The following ZNF100 variants were observed in gnomAD, a reference collection of about 807,000 sequenced individuals.
ZNF100 encodes the protein zinc finger protein 100.
A neutral mutation model predicts 15.8 loss-of-function variants in ZNF100; 12 were observed. The observed-to-expected ratio is 0.76, with a 90% CI of 0.49 to 1.23. The LOEUF (loss-of-function observed/expected upper bound fraction) is 1.23, where lower values mean the gene tolerates loss of function less well. Ranked by LOEUF, ZNF100 falls within the 50% of genes most tolerant of loss-of-function variation. The pLI is 0.00. For missense variants in ZNF100, 670 were observed against 635.6 expected (o/e 1.05, Z -0.58); for synonymous variants, 226 against 214.8 (o/e 1.05, Z -0.45).
chr19:21,729,202 A>G (rs2035869665), intron 4 of ZNF100, among the ~76,000 whole-genome samples: 1 of 152,132 alleles, frequency 6.6e-6, no homozygotes, highest in Admixed American at 6.5e-5. Context: ...GAAGTGTGTA[A>G]TAAAGTCAAA....
chr19:21,727,683 C>T lies in ZNF100; in HGVS notation c.629G>A (p.Cys210Tyr), dbSNP rs1338977666. The T allele has an allele frequency of 1.1e-5, 17 of 1,612,818 alleles. No homozygotes were observed. Among genetic ancestry groups the T allele is most frequent in the Non-Finnish European group, 1.4e-5 (16 of 1,179,622 alleles). Residue 210 changes from cysteine to tyrosine, a missense_variant, in exon 5 of 5, where the codon TGT becomes TAT. Coordinates refer to ENST00000358296, the MANE Select transcript of ZNF100 (RefSeq NM_173531.4). ...TRKKPFKCKK[C>Y]EKSFCMLLHL... ...TAAAAGCATGCAAAATGATTTTTCA[C>T]ATTTTTTACATTTGAAAGGTTTCTT...
intron 4 of ZNF100, 89 bp downstream of exon 4, chr19:21,743,928 A>G (rs1471907187): frequency 1.5e-5 from 20 of 1,320,438 alleles, no homozygotes; most frequent in Non-Finnish European, 2.0e-5. Context: ...TTTGGAACAT[A>G]GCTTCCCAAA....
Position 21,727,584 on chromosome 19 carries a change from T to C in ZNF100, c.728A>G (p.Asn243Ser), listed in dbSNP as rs1421725879. 11 of 1,613,334 alleles carry C rather than the reference T, an allele frequency of 6.8e-6. No homozygotes were observed. Among genetic ancestry groups the C allele is most frequent in the Admixed American group, 1.7e-5 (1 of 59,958 alleles). The change falls in exon 5 of 5, where the codon AAC becomes AGC. Residue 243 changes from asparagine (N) to serine (S), a missense_variant. Physicochemically the swap from Asn to Ser is conservative, Grantham distance 46. Transcript: ENST00000358296. ...GTGTGTAGTAAGGGTTGAGAACCAGTTGAAGGCTTTGCCACAATCTTTACA... is the reference window on the plus strand; with the variant it reads ...GTGTGTAGTAAGGGTTGAGAACCAGCTGAAGGCTTTGCCACAATCTTTACA... ...YQCKDCGKAFNWFSTLTTHRR... is the reference protein window; with the variant it reads ...YQCKDCGKAFSWFSTLTTHRR...
At chr19:21,734,217 G>A (rs1334452054) in intron 4 of ZNF100, among the ~76,000 whole-genome samples, 1 of 152,182 alleles carries the variant, frequency 6.6e-6, no homozygotes, top group East Asian at 1.9e-4. Flanking sequence ...GCCTGAGATG[G>A]ATAAACTGAC....
chr19:21,746,212 C>G (rs1228923453), intron 2 of ZNF100, among the ~76,000 whole-genome samples: 1 of 152,166 alleles, frequency 6.6e-6, no homozygotes, highest in Non-Finnish European at 1.5e-5. Context: ...GATATTGCCC[C>G]TCCAAAAGTA....
intron 2 of ZNF100, among the ~76,000 whole-genome samples, chr19:21,760,839 T>C (rs560207030): frequency 1.3e-5 from 2 of 148,884 alleles, no homozygotes; most frequent in Admixed American, 1.4e-4. Context: ...TCACTGGAAG[T>C]TCCACTTTGC....
At chr19:21,764,539 C>T (rs1186501101) in intron 2 of ZNF100, among the ~76,000 whole-genome samples, 2 of 151,730 alleles carry the variant, frequency 1.3e-5, no homozygotes, top group East Asian at 1.9e-4. Context: ...ACTCAGGAGG[C>T]TGAGGCAGGA....
At chr19:21,728,427 G>A (rs1355589612) in intron 4 of ZNF100, among the ~76,000 whole-genome samples, 2 of 152,094 alleles carry the variant, frequency 1.3e-5, no homozygotes, top group African/African-American at 4.8e-5. Flanking sequence ...AGAAACGGTG[G>A]TATACTTTGG....
intron 4 of ZNF100, among the ~76,000 whole-genome samples, chr19:21,740,418 A>C (rs143151644): frequency 1.3e-5 from 2 of 152,322 alleles, no homozygotes; most frequent in Admixed American, 1.3e-4. Flanking sequence ...ACAACATTAA[A>C]TGCATGAGCA....
At chr19:21,735,022 G>A (rs2035983255) in intron 4 of ZNF100, among the ~76,000 whole-genome samples, 1 of 152,092 alleles carries the variant, frequency 6.6e-6, no homozygotes, top group African/African-American at 2.4e-5. Context: ...ATCACCACTA[G>A]GCCTGCTTTG....
chr19:21,761,335 A>G (rs78133372), intron 2 of ZNF100, among the ~76,000 whole-genome samples: 7,625 of 152,300 alleles, frequency 0.05, 203 homozygotes, highest in African/African-American at 0.073. Context: ...AGTTATTTAT[A>G]TAAGTGCAAT....
chr19:21,765,783 C>T lies in ZNF100; in HGVS notation c.7G>A (p.Asp3Asn). 1.2e-6 allele frequency: 2 copies of T among 1,614,082 alleles called. No individual in the cohort carries two copies. Among genetic ancestry groups the T allele is most frequent in the Non-Finnish European group, 1.7e-6 (2 of 1,179,984 alleles). The change falls in exon 2 of 5, where the codon GAC becomes AAC. Residue 3 changes from aspartate (D) to asparagine (N), a missense_variant. Coordinates refer to ENST00000358296, the MANE Select transcript of ZNF100 (RefSeq NM_173531.4). MD[D>N]PRYGMCPLKG... is the part of the protein sequence containing the mutation. The stretch of plus-strand genomic sequence containing the variant: ...AGAGGACACATTCCATACCTCGGGT[C>T]ATCCTACGGGAGAAAATAAACCAGA...
intron 2 of ZNF100, among the ~76,000 whole-genome samples, chr19:21,759,022 A>G (rs1165084930): frequency 6.6e-6 from 1 of 152,132 alleles, no homozygotes; most frequent in African/African-American, 2.4e-5. Flanking sequence ...GCACCAACTC[A>G]ATGTCTAACA....
intron 2 of ZNF100, chr19:21,751,803 T>C (rs1475001430): frequency 7.9e-6 from 9 of 1,134,064 alleles, no homozygotes; most frequent in Non-Finnish European, 1.1e-5. Flanking sequence ...GCACAGAACC[T>C]AGAGGCTATT....
At chr19:21,762,542 C>T (rs939092548) in intron 2 of ZNF100, among the ~76,000 whole-genome samples, 9 of 152,060 alleles carry the variant, frequency 5.9e-5, no homozygotes, top group Non-Finnish European at 1.3e-4. Flanking sequence ...TAGGAATGGC[C>T]GTCATCAAAC....
At chr19:21,735,838 G>C (rs1184829353) in intron 4 of ZNF100, among the ~76,000 whole-genome samples, 1 of 152,124 alleles carries the variant, frequency 6.6e-6, no homozygotes, top group Non-Finnish European at 1.5e-5. Flanking sequence ...ACCCAGGCTG[G>C]AGTACAGTGG....
At chr19:21,767,306 T>C (rs1285041858) in intron 1 of ZNF100, 121 bp downstream of exon 1, 1 of 1,554,400 alleles carries the variant, frequency 6.4e-7, no homozygotes. Flanking sequence ...GAGGCCGAGC[T>C]GGGCAAGGCG....
intron 2 of ZNF100, among the ~76,000 whole-genome samples, chr19:21,756,343 T>C (rs34617884): frequency 3.2e-4 from 48 of 152,052 alleles, no homozygotes; most frequent in Admixed American, 2.8e-3. Context: ...CTGTTCGACA[T>C]AGAATTGGTA....
At chr19:21,750,909 T>C (rs35367448) in intron 2 of ZNF100, 51,226 of 603,248 alleles carry the variant, frequency 0.085, 3,029 homozygotes, top group African/African-American at 0.18. Flanking sequence ...GGCCGGTGCG[T>C]GGTGCCAGAG....
Sources: allele counts gnomAD v4.1 joint callset (sites outside exome capture counted in the v4.1 genomes callset), GRCh38; gene constraint gnomAD v4.1.1; transcripts MANE v1.5; gene names NCBI Gene and HGNC (gene_info 2026-07-23, HGNC 2026-07-21).